The following RORA variants were observed in gnomAD, a reference collection of about 807,000 sequenced individuals.
RORA encodes nuclear receptor ROR-alpha.
In RORA, 7 loss-of-function variants were observed where a neutral mutation model predicts 69.5. The ratio of observed to expected loss-of-function variants is 0.10; its 90% CI spans 0.06 to 0.19. RORA has a LOEUF of 0.19. Ranked by LOEUF, RORA falls within the 10% of genes least tolerant of loss-of-function variation. The pLI, the probability that RORA is intolerant of heterozygous loss-of-function variation, is 1.00. For synonymous variants in RORA, 261 were observed against 240.8 expected, an observed-to-expected ratio of 1.08 and a Z score of -0.78; for missense variants, 457 against 663.0, an observed-to-expected ratio of 0.69 and a Z score of 3.41.
chr15:60,872,962 C>T (rs565137137), intron 1 of RORA, among the ~76,000 whole-genome samples: 1 of 152,224 alleles, frequency 6.6e-6, no homozygotes, highest in African/African-American at 2.4e-5. Flanking sequence ...GCAATCCCTA[C>T]TCAACTTTTC....
chr15:61,214,181 A>C (rs1055897695), intron 1 of RORA: 4 of 152,250 alleles, frequency 2.6e-5, no homozygotes, highest in Non-Finnish European at 4.4e-5. Flanking sequence ...TTTGCTACTA[A>C]GAAAATAATA....
At chr15:60,521,865 G>T (rs943536015) in intron 3 of RORA, among the ~76,000 whole-genome samples, 4 of 152,094 alleles carry the variant, frequency 2.6e-5, no homozygotes, top group Admixed American at 1.3e-4. Flanking sequence ...CATCTCTCCA[G>T]TGTTCCTCCC....
At chr15:60,499,084 T>A (rs1315753416) in intron 10 of RORA, among the ~76,000 whole-genome samples, 1 of 152,180 alleles carries the variant, frequency 6.6e-6, no homozygotes, top group East Asian at 1.9e-4. Flanking sequence ...AATGAAACCT[T>A]ATGCTTTGAA....
intron 1 of RORA, among the ~76,000 whole-genome samples, chr15:61,030,761 G>A (rs1003616321): frequency 1.3e-5 from 2 of 152,104 alleles, no homozygotes; most frequent in Non-Finnish European, 2.9e-5. Context: ...TTAAGGTTGC[G>A]TGTATATCCA....
chr15:61,083,980 C>G (rs866614339), intron 1 of RORA, among the ~76,000 whole-genome samples: 2 of 152,112 alleles, frequency 1.3e-5, no homozygotes, highest in African/African-American at 4.8e-5. Flanking sequence ...AGGGTTGAAC[C>G]AACATTTAAG....
At chr15:60,944,226 G>T (rs1043823010) in intron 1 of RORA, among the ~76,000 whole-genome samples, 7 of 152,170 alleles carry the variant, frequency 4.6e-5, no homozygotes, top group African/African-American at 1.7e-4. Flanking sequence ...GAAGTCTGAT[G>T]TAACTGGTCT....
intron 2 of RORA, among the ~76,000 whole-genome samples, chr15:60,670,808 A>C (rs1378250932): frequency 1.3e-5 from 2 of 152,114 alleles, no homozygotes; most frequent in Non-Finnish European, 2.9e-5. Context: ...AAATGCACTA[A>C]CTTCCTGGCC....
intron 1 of RORA, among the ~76,000 whole-genome samples, chr15:60,757,027 C>T (rs574841178): frequency 2.0e-4 from 30 of 152,116 alleles, no homozygotes; most frequent in East Asian, 9.7e-4. Flanking sequence ...TCTAAAATGA[C>T]GCATACATTT....
chr15:60,802,669 C>T (rs2072602359), intron 1 of RORA, among the ~76,000 whole-genome samples: 1 of 152,090 alleles, frequency 6.6e-6, no homozygotes, highest in African/African-American at 2.4e-5. Context: ...TGGCTTATGT[C>T]TTTTACTCCT....
chr15:60,505,444 T>G, intron 6 of RORA, 64 bp downstream of exon 6: 1 of 1,558,196 alleles, frequency 6.4e-7, no homozygotes, highest in Admixed American at 1.7e-5. Flanking sequence ...TGACCAACTT[T>G]CCTATACCAA....
chr15:60,807,370 G>A (rs535792840), intron 1 of RORA, among the ~76,000 whole-genome samples: 1 of 152,208 alleles, frequency 6.6e-6, no homozygotes, highest in East Asian at 1.9e-4. Flanking sequence ...ACCTAACCAA[G>A]AAGGTGAAAG....
At chr15:60,843,018 C>A (rs563955780) in intron 1 of RORA, among the ~76,000 whole-genome samples, 1 of 152,222 alleles carries the variant, frequency 6.6e-6, no homozygotes, top group East Asian at 1.9e-4. Context: ...TCTCGTTCAC[C>A]CACCACACCC....
In RORA at chr15:61,116,867, T is replaced by G. The variant is rs565066743; in HGVS notation, c.166+112186A>C. Among the ~76,000 whole-genome samples the G allele has an allele frequency of 2.2e-4, 34 of 152,318 alleles. No homozygotes were observed. The South Asian group carries it at 6.6e-3, about 30-fold the overall frequency. ...TAGCGCTAACTTCTCGTGTGATCAG[T>G]GCTTCTAAAATTGCAATGTGTCCAG... On this transcript the variant is annotated intron_variant, in intron 1 of 10. Coordinates refer to ENST00000335670, the MANE Select transcript of RORA (RefSeq NM_134261.3).
At chr15:60,894,926 C>T (rs138023371) in intron 1 of RORA, among the ~76,000 whole-genome samples, 1 of 152,184 alleles carries the variant, frequency 6.6e-6, no homozygotes, top group South Asian at 2.1e-4. Flanking sequence ...CTCGTTGTCA[C>T]AGCATCAAGC....
At chr15:61,082,933 G>A (rs1595963559) in intron 1 of RORA, among the ~76,000 whole-genome samples, 1 of 152,168 alleles carries the variant, frequency 6.6e-6, no homozygotes, top group African/African-American at 2.4e-5. Context: ...GAGGCTGGAT[G>A]AATTCCCCAA....
At chr15:61,199,406 G>T (rs2079875235) in intron 1 of RORA, among the ~76,000 whole-genome samples, 1 of 152,120 alleles carries the variant, frequency 6.6e-6, no homozygotes, top group Non-Finnish European at 1.5e-5. Flanking sequence ...AGATACAGAT[G>T]TACAAGATAA....
chr15:61,042,076 T>C (rs1376576465), intron 1 of RORA, among the ~76,000 whole-genome samples: 1 of 152,172 alleles, frequency 6.6e-6, no homozygotes, highest in African/African-American at 2.4e-5. Context: ...TACAATAGCG[T>C]CTAGGTTGGC....
At chr15:60,583,412 G>A (rs2068246096) in intron 2 of RORA, among the ~76,000 whole-genome samples, 1 of 152,212 alleles carries the variant, frequency 6.6e-6, no homozygotes, top group Non-Finnish European at 1.5e-5. Flanking sequence ...CACTGAGTTG[G>A]CCTTGACTTC....
intron 2 of RORA, among the ~76,000 whole-genome samples, chr15:60,578,459 G>A (rs775883547): frequency 6.6e-6 from 1 of 152,156 alleles, no homozygotes; most frequent in African/African-American, 2.4e-5. Context: ...TTTTTCAGGA[G>A]ATAACAGACT....
Sources: allele counts gnomAD v4.1 joint callset (sites outside exome capture counted in the v4.1 genomes callset), GRCh38; gene constraint gnomAD v4.1.1; transcripts MANE v1.5; gene names NCBI Gene and HGNC (gene_info 2026-07-23, HGNC 2026-07-21).